The following SEC63 variants were observed in gnomAD, a reference collection of about 807,000 sequenced individuals.
SEC63 encodes the protein translocation protein SEC63 homolog.
SEC63 carries 56 observed loss-of-function variants against 116.2 expected under a neutral mutation model. The observed-to-expected ratio is 0.48, with a 90% confidence interval of 0.39 to 0.60. The LOEUF (loss-of-function observed/expected upper bound fraction) is 0.60, where lower values mean the gene tolerates loss of function less well. SEC63 is among the 20% of genes least tolerant of loss of function. SEC63 has a pLI of 0.00. For missense variants in SEC63, 668 were observed against 900.0 expected (o/e 0.74, Z 3.30); for synonymous variants, 273 against 294.6 (o/e 0.93, Z 0.75).
intron 14 of SEC63, among the ~76,000 whole-genome samples, chr6:107,895,605 T>C (rs1435734651): frequency 6.6e-6 from 1 of 152,082 alleles, no homozygotes; most frequent in African/African-American, 2.4e-5. Flanking sequence ...GATATAAATG[T>C]GGCATGTATT....
chr6:107,936,064 G>A (rs1410419626), intron 1 of SEC63, among the ~76,000 whole-genome samples: 1 of 152,196 alleles, frequency 6.6e-6, no homozygotes, highest in African/African-American at 2.4e-5. Flanking sequence ...AACATTTGAT[G>A]AGGTTTTATA....
At chr6:107,878,868 G>T (rs968104775) in intron 18 of SEC63, among the ~76,000 whole-genome samples, 1 of 151,474 alleles carries the variant, frequency 6.6e-6, no homozygotes, top group Admixed American at 6.6e-5. Flanking sequence ...AAAAAAAAAA[G>T]AATATTTATT....
At position 107,946,421 on chromosome 6, in the gene SEC63, C is replaced by T. The variant is rs140581562; in HGVS notation, c.124+11465G>A. Among the ~76,000 whole-genome samples the T allele has an allele frequency of 3.9e-3, 592 of 151,610 alleles. 4 individuals carry two copies. Among genetic ancestry groups the T allele is most frequent in the South Asian group, 0.024 (112 of 4,748 alleles). ...GTTTCACCATGTTGGCCAGGCTGGT[C>T]TCAAACTCTTTACCTCAAACAATCT... On this transcript the variant is annotated intron_variant, in intron 1 of 20. Coordinates refer to ENST00000369002, the MANE Select transcript of SEC63 (RefSeq NM_007214.5).
At chr6:107,921,168 T>C (rs1315904217) in intron 4 of SEC63, among the ~76,000 whole-genome samples, 1 of 151,964 alleles carries the variant, frequency 6.6e-6, no homozygotes, top group African/African-American at 2.4e-5. Context: ...AGCTACACAT[T>C]GCCAAAACAA....
chr6:107,930,337 G>A (rs1021586929), intron 1 of SEC63, among the ~76,000 whole-genome samples: 16 of 151,648 alleles, frequency 1.1e-4, no homozygotes, highest in African/African-American at 2.2e-4. Flanking sequence ...GGGGCCGGGC[G>A]CGGTGGCTCA....
chr6:107,943,963 A>T (rs750651387), intron 1 of SEC63, among the ~76,000 whole-genome samples: 1 of 152,190 alleles, frequency 6.6e-6, no homozygotes, highest in Non-Finnish European at 1.5e-5. Flanking sequence ...AAAAGACTAC[A>T]CTCAGCCAGG....
chr6:107,928,586 A>G (rs1039495003), intron 2 of SEC63, among the ~76,000 whole-genome samples: 1 of 152,206 alleles, frequency 6.6e-6, no homozygotes, highest in South Asian at 2.1e-4. Flanking sequence ...AAAAAAAACT[A>G]TCATTTAAAC....
intron 11 of SEC63, among the ~76,000 whole-genome samples, 155 bp downstream of exon 11, chr6:107,904,474 T>G (rs907677131): frequency 6.7e-6 from 1 of 149,240 alleles, no homozygotes; most frequent in East Asian, 2.0e-4. Context: ...ATAGAAAATA[T>G]AGGAAAGAAA....
chr6:107,902,956 C>A lies in SEC63; in HGVS notation c.1097G>T (p.Cys366Phe). 6.2e-7 allele frequency: 1 copy of A among 1,613,944 alleles called. No individual in the cohort carries two copies. The highest frequency in any genetic ancestry group is 8.5e-7 in the Non-Finnish European group (1 of 1,179,890). ...RAPTLASLEN[C>F]MKLSQMAVQG... ...AACGGCCATCTGAGAAAGCTTCATG[C>A]AGTTTTCTAGGGATGCCAAAGTTGG... The change falls in exon 12 of 21, where the codon TGC becomes TTC. Residue 366 changes from cysteine to phenylalanine, a missense_variant. Physicochemically the swap from Cys to Phe is radical, Grantham distance 205. Coordinates refer to ENST00000369002, the MANE Select transcript of SEC63 (RefSeq NM_007214.5).
chr6:107,903,914 T>G (rs578223176), intron 11 of SEC63, among the ~76,000 whole-genome samples: 3 of 151,580 alleles, frequency 2.0e-5, no homozygotes, highest in East Asian at 3.9e-4. Flanking sequence ...GGTCAGGAGT[T>G]TGAGACCAGC....
At chr6:107,892,732 C>T (rs181982347) in intron 16 of SEC63, among the ~76,000 whole-genome samples, 11 of 152,184 alleles carry the variant, frequency 7.2e-5, no homozygotes, top group African/African-American at 2.2e-4. Context: ...GCATATGAAA[C>T]GGTGTTCAAC....
At chr6:107,900,096 TA>T (rs1344129395) in intron 13 of SEC63, among the ~76,000 whole-genome samples, 1 of 152,106 alleles carries the variant, frequency 6.6e-6, no homozygotes, top group Admixed American at 6.5e-5. Context: ...ATTTGCTGTA[TA>T]AATAAATGGT....
At chr6:107,934,446 A>G (rs2114495738) in intron 1 of SEC63, among the ~76,000 whole-genome samples, 1 of 140,040 alleles carries the variant, frequency 7.1e-6, no homozygotes, top group South Asian at 2.3e-4. Flanking sequence ...CCCGGCCGCG[A>G]CCCCGTCTGG....
intron 20 of SEC63, among the ~76,000 whole-genome samples, 167 bp from the exon 21 acceptor site, chr6:107,872,014 G>A (rs1786147029): frequency 6.6e-6 from 1 of 152,104 alleles, no homozygotes; most frequent in African/African-American, 2.4e-5. Context: ...CTTCATCCCA[G>A]AAATAAAACA....
At chr6:107,915,735 C>G (rs1186299207) in intron 4 of SEC63, among the ~76,000 whole-genome samples, 1 of 152,092 alleles carries the variant, frequency 6.6e-6, no homozygotes, top group African/African-American at 2.4e-5. Context: ...AAACTTTGCA[C>G]ATCAAAGCCT....
At chr6:107,880,415 C>T (rs1413836552) in intron 18 of SEC63, among the ~76,000 whole-genome samples, 2 of 152,184 alleles carry the variant, frequency 1.3e-5, no homozygotes, top group African/African-American at 4.8e-5. Flanking sequence ...TTGACCTCTA[C>T]TCCAGACAGA....
chr6:107,929,292 C>G (rs1300612796), intron 2 of SEC63, 123 bp downstream of exon 2: 10 of 630,594 alleles, frequency 1.6e-5, no homozygotes. Flanking sequence ...CCTATCTTAC[C>G]CTTACTATAG....
At chr6:107,892,988 C>T (rs1786718709) in intron 16 of SEC63, among the ~76,000 whole-genome samples, 1 of 151,988 alleles carries the variant, frequency 6.6e-6, no homozygotes, top group Admixed American at 6.6e-5. Flanking sequence ...CCACAAAATG[C>T]CATGTATAAG....
chr6:107,872,401 CAG>C (rs1468330635), intron 20 of SEC63, among the ~76,000 whole-genome samples: 1 of 151,964 alleles, frequency 6.6e-6, no homozygotes, highest in Non-Finnish European at 1.5e-5. Context: ...AAACAAAGAT[CAG>C]AGTGTGCTGC....
Sources: allele counts gnomAD v4.1 joint callset (sites outside exome capture counted in the v4.1 genomes callset), GRCh38; gene constraint gnomAD v4.1.1; transcripts MANE v1.5; gene names NCBI Gene and HGNC (gene_info 2026-07-23, HGNC 2026-07-21).